Variants in PARM1 observed in about 807,000 individuals in gnomAD.
PARM1 encodes prostate androgen-regulated mucin-like protein 1.
PARM1 carries 14 observed loss-of-function variants against 24.6 expected under a neutral mutation model. That is an observed-to-expected ratio of 0.57 (90% CI 0.38 to 0.89). PARM1 has a LOEUF of 0.89. Ranked by LOEUF, PARM1 falls within the 40% of genes least tolerant of loss-of-function variation. The probability of loss-of-function intolerance (pLI) is 0.00; values close to 1 mark genes in which losing one functional copy is unlikely to be tolerated. For synonymous variants in PARM1, 179 were observed against 156.6 expected (o/e 1.14, Z -1.07); for missense variants, 362 against 380.4 (o/e 0.95, Z 0.40).
rs893877282 is a variant in PARM1, at chr4:74,949,058, T to G, written c.43+15688T>G. Reference sequence around the variant, plus strand: ...AAAAACAAAAACAAACAAAAGGGCATTGTAATCACTTTACAGACAAGCTTG... The same window carrying G: ...AAAAACAAAAACAAACAAAAGGGCAGTGTAATCACTTTACAGACAAGCTTG... On this transcript the variant is annotated intron_variant, in intron 1 of 3. Coordinates refer to ENST00000307428, the MANE Select transcript of PARM1 (RefSeq NM_015393.4). 9.9e-5 allele frequency among the ~76,000 whole-genome samples: 15 copies of G among 151,980 alleles called. No homozygotes were observed. The South Asian group carries it at 1.5e-3, about 15-fold the overall frequency.
intron 1 of PARM1, among the ~76,000 whole-genome samples, chr4:74,944,937 G>A (rs1432990292): frequency 1.3e-5 from 2 of 152,174 alleles, no homozygotes; most frequent in Admixed American, 1.3e-4. Context: ...TTGTTTGCTT[G>A]TTTGGCTTAA....
In PARM1 at chr4:75,001,792, C is replaced by T. The variant is rs139006656; in HGVS notation, c.44-10633C>T. ...GCCTTCTCAGAAAGCCCCTGGTTTC[C>T]TCTCCCCCATCAGAGGAAACACCCT... On this transcript the variant is annotated intron_variant, in intron 1 of 3. Transcript: ENST00000307428. 2.0e-5 allele frequency among the ~76,000 whole-genome samples: 3 copies of T among 152,242 alleles called. No individual in the cohort carries two copies. The East Asian group carries it at 5.8e-4, about 29-fold the overall frequency.
chr4:74,950,185 C>T (rs1380743576), intron 1 of PARM1, among the ~76,000 whole-genome samples: 2 of 152,156 alleles, frequency 1.3e-5, no homozygotes, highest in African/African-American at 4.8e-5. Context: ...GTCTGGGTTT[C>T]CTGAGGCTGC....
chr4:74,961,339 A>G (rs965395431), intron 1 of PARM1, among the ~76,000 whole-genome samples: 3 of 152,188 alleles, frequency 2.0e-5, no homozygotes, highest in East Asian at 1.9e-4. Context: ...ATATACACGT[A>G]ATGAAAGTCT....
chr4:74,972,777 T>A (rs1273338481), intron 1 of PARM1, among the ~76,000 whole-genome samples: 1 of 152,214 alleles, frequency 6.6e-6, no homozygotes, highest in Non-Finnish European at 1.5e-5. Context: ...TTTGGGTTAT[T>A]TTATTTTAAA....
At chr4:75,031,398 T>C (rs1490423512) in intron 2 of PARM1, among the ~76,000 whole-genome samples, 8 of 152,122 alleles carry the variant, frequency 5.3e-5, no homozygotes, top group African/African-American at 1.9e-4. Context: ...CCAGCTCTGG[T>C]CATATAGGCT....
intron 2 of PARM1, among the ~76,000 whole-genome samples, chr4:75,032,664 C>T (rs750668755): frequency 1.3e-5 from 2 of 152,168 alleles, no homozygotes; most frequent in African/African-American, 2.4e-5. Flanking sequence ...GGATAGAACA[C>T]TCTTATTCCT....
At chr4:74,955,344 T>G (rs1377353337) in intron 1 of PARM1, among the ~76,000 whole-genome samples, 6 of 152,166 alleles carry the variant, frequency 3.9e-5, no homozygotes, top group African/African-American at 1.2e-4. Context: ...AGATGATCAT[T>G]AGTGTCTGCT....
chr4:75,013,582 G>A (rs1338842710), intron 2 of PARM1, among the ~76,000 whole-genome samples: 2 of 152,178 alleles, frequency 1.3e-5, no homozygotes, highest in Non-Finnish European at 2.9e-5. Flanking sequence ...TAACTGAAAT[G>A]ACATAAAGCA....
rs1460076297 is a variant in PARM1 at position 75,046,754 on chromosome 4, G to A, written c.*507G>A. On this transcript the variant is annotated 3_prime_UTR_variant, in exon 4 of 4. Transcript: ENST00000307428. ...CTTTTTAATCTCTATTTATCTGGTT[G>A]TTTCTGACAGGATGCTGCCTGCTTG... 2 of 152,686 alleles carry A rather than the reference G, an allele frequency of 1.3e-5. No individual in the cohort carries two copies. The highest frequency in any genetic ancestry group is 1.5e-5 in the Non-Finnish European group (1 of 68,300). The allele number at this position is 152,686 out of a possible 1,614,324, so 9.5% of individuals were successfully genotyped here. A position where few individuals can be genotyped will look rare whatever the true frequency, so the allele number is the denominator to read the frequency against.
intron 1 of PARM1, among the ~76,000 whole-genome samples, chr4:74,985,957 C>T (rs945939128): frequency 2.7e-4 from 41 of 152,090 alleles, no homozygotes; most frequent in African/African-American, 9.2e-4. Context: ...TTAGTAGAGA[C>T]GAGGTTTCAC....
intron 3 of PARM1, among the ~76,000 whole-genome samples, chr4:75,042,806 T>C (rs1253478468): frequency 6.6e-6 from 1 of 152,146 alleles, no homozygotes; most frequent in African/African-American, 2.4e-5. Flanking sequence ...GTACACCCAA[T>C]TTTTCCTGTT....
At chr4:74,990,059 C>A (rs1342367617) in intron 1 of PARM1, among the ~76,000 whole-genome samples, 1 of 152,002 alleles carries the variant, frequency 6.6e-6, no homozygotes, top group Non-Finnish European at 1.5e-5. Flanking sequence ...ACTTATGGAA[C>A]TAGAGGACAT....
chr4:74,963,275 T>A (rs1721819161), intron 1 of PARM1, among the ~76,000 whole-genome samples: 1 of 152,236 alleles, frequency 6.6e-6, no homozygotes, highest in South Asian at 2.1e-4. Context: ...TTACTTCAAT[T>A]TTTAAAAATG....
chr4:75,045,657 C>G (rs1388754112), intron 3 of PARM1, among the ~76,000 whole-genome samples: 4 of 152,320 alleles, frequency 2.6e-5, no homozygotes, highest in East Asian at 1.9e-4. Flanking sequence ...TAAACTATAC[C>G]TGCCCCATGG....
intron 1 of PARM1, among the ~76,000 whole-genome samples, chr4:74,949,067 C>A (rs79388500): frequency 0.029 from 4,358 of 152,112 alleles, 197 homozygotes; most frequent in African/African-American, 0.098. Context: ...ATTGTAATCA[C>A]TTTACAGACA....
chr4:74,933,536 G>A (rs528195368), intron 1 of PARM1, among the ~76,000 whole-genome samples, 166 bp downstream of exon 1: 1 of 152,240 alleles, frequency 6.6e-6, no homozygotes, highest in East Asian at 1.9e-4. Context: ...CACCTTTGGC[G>A]GTCCCGAACC....
chr4:75,047,254 G>T lies in PARM1; in HGVS notation c.*1007G>T, dbSNP rs967523732. 1.3e-5 allele frequency: 2 copies of T among 152,098 alleles called. No homozygotes were observed. The highest frequency in any genetic ancestry group is 4.8e-5 in the African/African-American group (2 of 41,402). The allele number at this position is 152,098 out of a possible 1,614,324, so 9.4% of individuals were successfully genotyped here. ...TGGTCCACTGCTTTACTGTCTGTTG[G>T]ATAATGGCTGTAAAATGTTTAAAAA... On this transcript the variant is annotated 3_prime_UTR_variant, in exon 4 of 4. Coordinates refer to ENST00000307428, the MANE Select transcript of PARM1 (RefSeq NM_015393.4).
chr4:75,020,009 CAAAAAAAAAAAAAAAAAAA>C (rs1161399344), intron 2 of PARM1, among the ~76,000 whole-genome samples: 2 of 31,044 alleles, frequency 6.4e-5, no homozygotes, highest in Non-Finnish European at 2.2e-4. Context: ...GACTCCGTCT[CAAAAAAAAAAAAAAAAAAA>C]AAAAAAAAAG....
Sources: allele counts gnomAD v4.1 joint callset (sites outside exome capture counted in the v4.1 genomes callset), GRCh38; gene constraint gnomAD v4.1.1; transcripts MANE v1.5; gene names NCBI Gene and HGNC (gene_info 2026-07-23, HGNC 2026-07-21).